The following MAML3 variants were observed in gnomAD, a reference collection of about 807,000 sequenced individuals.
The protein encoded by MAML3 is mastermind like transcriptional coactivator 3.
In MAML3, 27 loss-of-function variants were observed where a neutral mutation model predicts 101.9. That is an observed-to-expected ratio of 0.27 (90% confidence interval 0.20 to 0.37). The LOEUF (loss-of-function observed/expected upper bound fraction) is 0.37. Among genes scored for constraint, MAML3 ranks in the 10% least tolerant of loss-of-function variants. The pLI is 1.00. For synonymous variants in MAML3, 501 were observed against 555.9 expected (o/e 0.90, Z 1.39); for missense variants, 1,316 against 1,444.9 (o/e 0.91, Z 1.45).
intron 1 of MAML3, among the ~76,000 whole-genome samples, chr4:139,907,424 C>A (rs76772327): frequency 0.019 from 2,875 of 152,234 alleles, 93 homozygotes; most frequent in African/African-American, 0.064. Flanking sequence ...AGGTAGTTAC[C>A]AAATAAGATC....
intron 1 of MAML3, among the ~76,000 whole-genome samples, chr4:140,094,230 A>C (rs1380172296): frequency 6.6e-6 from 1 of 152,194 alleles, no homozygotes; most frequent in African/African-American, 2.4e-5. Context: ...TCTTCCCATC[A>C]TGCATGGAAA....
chr4:140,147,013 G>A (rs983424055), intron 1 of MAML3, among the ~76,000 whole-genome samples: 1 of 151,186 alleles, frequency 6.6e-6, no homozygotes, highest in African/African-American at 2.4e-5. Flanking sequence ...CATGCCTGTA[G>A]TCTCAGCTAC....
Position 140,153,146 on chromosome 4 carries a change from C to G in MAML3, c.182G>C (p.Gly61Ala), listed in dbSNP as rs1364385311. ...CTTGGGAACGGCCGCCGAACCGCCG[C>G]CGGGGCCCCCGGAGCCGCCGCATCC... is the stretch of plus-strand genomic sequence containing the variant. Reference protein sequence around the residue: ...AGGCGGSGGPGGGSAAVPKHS... With the variant: ...AGGCGGSGGPAGGSAAVPKHS... The change falls in exon 1 of 5, where the codon GGC (glycine) becomes GCC (alanine). Residue 61 changes from glycine (G) to alanine (A), a missense_variant. Gly to Ala is a moderately conservative substitution (Grantham distance 60). Coordinates refer to ENST00000509479, the MANE Select transcript of MAML3 (RefSeq NM_018717.5). 1 of 1,550,088 alleles carries G rather than the reference C, an allele frequency of 6.5e-7. No homozygotes were observed. Among genetic ancestry groups the G allele is most frequent in the East Asian group, 2.4e-5 (1 of 40,902 alleles).
intron 1 of MAML3, among the ~76,000 whole-genome samples, chr4:139,912,713 T>G (rs1236261604): frequency 2.6e-5 from 4 of 152,194 alleles, no homozygotes. Context: ...AGGCAGAGAC[T>G]GGAGTTACGC....
chr4:139,906,572 T>C (rs1732824914), intron 1 of MAML3, among the ~76,000 whole-genome samples: 2 of 152,248 alleles, frequency 1.3e-5, no homozygotes, highest in Non-Finnish European at 2.9e-5. Flanking sequence ...TTAGGATTCT[T>C]GCGCCAGCCC....
At chr4:140,041,538 T>A (rs1266556474) in intron 1 of MAML3, among the ~76,000 whole-genome samples, 1 of 152,022 alleles carries the variant, frequency 6.6e-6, no homozygotes, top group African/African-American at 2.4e-5. Flanking sequence ...GCAGACCAGG[T>A]TGAAGCTGGG....
chr4:139,939,286 C>T (rs1733558303), intron 1 of MAML3, among the ~76,000 whole-genome samples: 1 of 152,192 alleles, frequency 6.6e-6, no homozygotes, highest in African/African-American at 2.4e-5. Flanking sequence ...TTGACAGAGG[C>T]ATCAGAATTA....
intron 1 of MAML3, among the ~76,000 whole-genome samples, chr4:140,064,821 C>T (rs993236350): frequency 2.0e-5 from 3 of 152,182 alleles, no homozygotes; most frequent in African/African-American, 7.2e-5. Context: ...AACAACAGAA[C>T]AACAGCTATG....
intron 1 of MAML3, among the ~76,000 whole-genome samples, chr4:140,049,510 G>T (rs996242480): frequency 6.6e-6 from 1 of 152,188 alleles, no homozygotes; most frequent in African/African-American, 2.4e-5. Context: ...ACAGAGGAGG[G>T]GGGAAGAGAG....
chr4:139,828,413 G>T (rs954590327), intron 2 of MAML3, among the ~76,000 whole-genome samples: 2 of 152,214 alleles, frequency 1.3e-5, no homozygotes, highest in Admixed American at 6.5e-5. Context: ...GCATTTGATA[G>T]AACTTCTTTG....
intron 2 of MAML3, among the ~76,000 whole-genome samples, chr4:139,753,678 T>C (rs1283163966): frequency 6.6e-6 from 1 of 152,194 alleles, no homozygotes; most frequent in Non-Finnish European, 1.5e-5. Context: ...AGGTGAGAAT[T>C]AATAAGTTTA....
chr4:139,889,297 A>G (rs1732411109), intron 2 of MAML3, 60 bp downstream of exon 2: 1 of 1,613,116 alleles, frequency 6.2e-7, no homozygotes, highest in Admixed American at 1.7e-5. Flanking sequence ...AACATCACAC[A>G]TCGACAGTCT....
intron 1 of MAML3, among the ~76,000 whole-genome samples, chr4:140,111,126 A>G (rs2111011139): frequency 1.3e-5 from 2 of 152,362 alleles, no homozygotes; most frequent in Admixed American, 1.3e-4. Context: ...TGTATTAAAC[A>G]TGGCATAGCA....
intron 1 of MAML3, among the ~76,000 whole-genome samples, chr4:139,970,319 G>GA (rs1362617867): frequency 1.3e-5 from 2 of 152,158 alleles, no homozygotes; most frequent in African/African-American, 4.8e-5. Context: ...ACAAGCAAAA[G>GA]CTGGAAGTAG....
chr4:140,098,916 C>T (rs2110993109), intron 1 of MAML3, among the ~76,000 whole-genome samples: 1 of 152,290 alleles, frequency 6.6e-6, no homozygotes, highest in African/African-American at 2.4e-5. Flanking sequence ...AGGAAGTTCC[C>T]ACATGAACTG....
chr4:140,021,152 G>C (rs1393084901), intron 1 of MAML3, among the ~76,000 whole-genome samples: 1 of 152,210 alleles, frequency 6.6e-6, no homozygotes, highest in Non-Finnish European at 1.5e-5. Flanking sequence ...AACTGTACCT[G>C]CTGGGACTTA....
chr4:139,772,207 T>C (rs567763286), intron 2 of MAML3, among the ~76,000 whole-genome samples: 78 of 98,540 alleles, frequency 7.9e-4, no homozygotes, highest in African/African-American at 2.6e-3. Context: ...GCCACTGCAC[T>C]CCAGCCTGGG....
chr4:139,862,564 T>C (rs553129382), intron 2 of MAML3, among the ~76,000 whole-genome samples: 18 of 152,372 alleles, frequency 1.2e-4, no homozygotes, highest in African/African-American at 3.8e-4. Flanking sequence ...CCACTCATGC[T>C]ATGCTGTAAT....
intron 2 of MAML3, among the ~76,000 whole-genome samples, chr4:139,733,101 G>A (rs777763379): frequency 1.1e-4 from 17 of 152,146 alleles, no homozygotes; most frequent in Non-Finnish European, 2.4e-4. Flanking sequence ...GTGAAATAAA[G>A]CTGTTTCTTG....
Sources: gnomAD v4.1 joint callset for allele counts (sites outside exome capture counted in the v4.1 genomes callset) on GRCh38, gnomAD v4.1.1 for gene constraint, MANE v1.5 for transcripts, NCBI Gene and HGNC (gene_info 2026-07-23, HGNC 2026-07-21) for gene names.